HERC3: variants seen among roughly 807,000 people sequenced by gnomAD.
The protein encoded by HERC3 is probable E3 ubiquitin-protein ligase HERC3.
In HERC3, 58 loss-of-function variants were observed where a neutral mutation model predicts 129.9. The ratio of observed to expected loss-of-function variants is 0.45; its 90% CI spans 0.36 to 0.56. The LOEUF (loss-of-function observed/expected upper bound fraction) is 0.56. HERC3 is among the 20% of genes least tolerant of loss of function. The probability of loss-of-function intolerance (pLI) is 0.00; values close to 1 mark genes in which losing one functional copy is unlikely to be tolerated. For synonymous variants in HERC3, 430 were observed against 451.0 expected, an observed-to-expected ratio of 0.95 and a Z score of 0.59; for missense variants, 835 against 1,244.2, an observed-to-expected ratio of 0.67 and a Z score of 4.95.
intron 16 of HERC3, among the ~76,000 whole-genome samples, chr4:88,671,775 C>T (rs1258163467): frequency 1.3e-5 from 2 of 152,100 alleles, no homozygotes; most frequent in Non-Finnish European, 2.9e-5. Context: ...TCACCAGCCT[C>T]GGCCTCCCAA....
the HERC3 span, among the ~76,000 whole-genome samples, chr4:88,572,820 AAT>A: frequency 2.8e-5 from 3 of 106,460 alleles, no homozygotes; most frequent in African/African-American, 1.8e-4. Context: ...AAAAAAAAAT[AAT>A]AATAATAATA....
At chr4:88,570,910 C>A in the HERC3 span, among the ~76,000 whole-genome samples, 1 of 151,516 alleles carries the variant, frequency 6.6e-6, no homozygotes, top group South Asian at 2.1e-4. Context: ...CCCACCACCA[C>A]CCCCAGCTAA....
chr4:88,587,256 T>C, the HERC3 span, among the ~76,000 whole-genome samples: 1 of 152,216 alleles, frequency 6.6e-6, no homozygotes, highest in Admixed American at 6.5e-5. Context: ...ATTTTACACA[T>C]TGAACTCCCT....
chr4:88,535,163 T>C, the HERC3 span, among the ~76,000 whole-genome samples: 2 of 152,170 alleles, frequency 1.3e-5, no homozygotes, highest in Admixed American at 6.5e-5. Context: ...CAATTCCAAG[T>C]TTTTGAAAGT....
the HERC3 span, chr4:88,528,134 C>G: frequency 1.3e-5 from 3 of 235,708 alleles, no homozygotes; most frequent in African/African-American, 6.9e-5. Context: ...CCCCAAACAG[C>G]CAGATTGATA....
At chr4:88,588,618 T>C (rs551809187), upstream of HERC3, among the ~76,000 whole-genome samples, 7 of 152,358 alleles carry the variant, frequency 4.6e-5, no homozygotes, top group South Asian at 1.0e-3. Context: ...CCTGTTTTTT[T>C]CCACAGATTT....
the HERC3 span, among the ~76,000 whole-genome samples, chr4:88,555,144 C>T: frequency 1.3e-5 from 2 of 151,618 alleles, no homozygotes; most frequent in South Asian, 2.1e-4. Flanking sequence ...ATTAGGTGGG[C>T]GTGGTGGTGG....
chr4:88,634,168 G>A (rs556767388), intron 3 of HERC3, among the ~76,000 whole-genome samples: 1 of 152,176 alleles, frequency 6.6e-6, no homozygotes, highest in South Asian at 2.1e-4. Context: ...GGTGGTTAGT[G>A]AGTGTGCTAC....
At chr4:88,664,049 A>T in intron 11 of HERC3, 104 bp from the exon 12 acceptor site, 1 of 874,254 alleles carries the variant, frequency 1.1e-6, no homozygotes. Context: ...AAGAGCTGCT[A>T]TTAATGAAAT....
At chr4:88,673,221 G>A (rs758733450) in intron 16 of HERC3, among the ~76,000 whole-genome samples, 14 of 152,156 alleles carry the variant, frequency 9.2e-5, no homozygotes, top group African/African-American at 1.9e-4. Context: ...TAAAGGAGAC[G>A]CAGCCAGGCA....
chr4:88,663,657 T>G (rs1380847840), intron 11 of HERC3, among the ~76,000 whole-genome samples: 4 of 152,226 alleles, frequency 2.6e-5, no homozygotes, highest in African/African-American at 9.6e-5. Flanking sequence ...AGCTGTTTCC[T>G]CAGAGCCTGT....
chr4:88,678,190 GTTGA>G, intron 19 of HERC3, 56 bp downstream of exon 19: 5 of 1,491,946 alleles, frequency 3.4e-6, no homozygotes, highest in Non-Finnish European at 4.6e-6. Context: ...TTTGAACAGT[GTTGA>G]TTAAGCAGCA....
chr4:88,674,661 A>G (rs1039564043), intron 16 of HERC3, among the ~76,000 whole-genome samples: 1 of 152,106 alleles, frequency 6.6e-6, no homozygotes, highest in African/African-American at 2.4e-5. Context: ...TTAGCTTTGT[A>G]TAGTGCTGTT....
the HERC3 span, among the ~76,000 whole-genome samples, chr4:88,579,720 C>T: frequency 6.6e-6 from 1 of 152,012 alleles, no homozygotes; most frequent in African/African-American, 2.4e-5. Context: ...GTCCTAATCC[C>T]CAGAACCTGT....
rs1213350912 is a variant in HERC3, at chr4:88,652,858, TG to T, written c.464-10del. The T allele has an allele frequency of 1.2e-6, 2 of 1,601,026 alleles. No individual in the cohort carries two copies. Among genetic ancestry groups the T allele is most frequent in the Non-Finnish European group, 8.5e-7 (1 of 1,170,840 alleles). Reference sequence around the variant, plus strand: ...CATTTTATGGTAATACCAGTTATCCTGTTATTTCAGATGGCCAGTTCTTCAC... The same window carrying T: ...CATTTTATGGTAATACCAGTTATCCTTTATTTCAGATGGCCAGTTCTTCAC... On this transcript the variant is annotated splice_polypyrimidine_tract_variant and intron_variant, in intron 5 of 25. Coordinates refer to ENST00000402738, the MANE Select transcript of HERC3 (RefSeq NM_014606.3).
Position 88,606,011 on chromosome 4 carries a change from A to G in HERC3, c.188A>G (p.Lys63Arg). 6.2e-7 allele frequency: 1 copy of G among 1,614,128 alleles called. No homozygotes were observed. The highest frequency in any genetic ancestry group is 8.5e-7 in the Non-Finnish European group (1 of 1,179,988). ...GTTTACACATGTGGTTTGAACACCAAGGGGCAACTGGGCCATGAGAGGGAA... is the reference window on the plus strand; with the variant it reads ...GTTTACACATGTGGTTTGAACACCAGGGGGCAACTGGGCCATGAGAGGGAA... ...GEVYTCGLNT[K>R]GQLGHEREGN... The change falls in exon 3 of 26, where the codon AAG becomes AGG. Residue 63 changes from lysine to arginine, a missense_variant. Transcript: ENST00000402738.
upstream of HERC3, among the ~76,000 whole-genome samples, chr4:88,591,856 A>AC (rs1448070366): frequency 6.6e-6 from 1 of 151,730 alleles, no homozygotes; most frequent in Non-Finnish European, 1.5e-5. Flanking sequence ...CCCCGGGTCC[A>AC]CCCTCCAGCC....
intron 2 of HERC3, chr4:88,598,103 C>T (rs146468605): frequency 1.3e-5 from 2 of 152,242 alleles, no homozygotes; most frequent in African/African-American, 4.8e-5. Context: ...TGCTTCTAAG[C>T]TTACTTGAAA....
At position 88,680,202 on chromosome 4, in the gene HERC3, A is replaced by G. The variant is rs761433139; in HGVS notation, c.2306A>G (p.Tyr769Cys). Residue 769 changes from tyrosine (Y) to cysteine (C), a missense_variant, in exon 20 of 26, where the codon TAT (tyrosine) becomes TGT (cysteine). Tyr to Cys is a radical substitution (Grantham distance 194, BLOSUM62 -2). Coordinates refer to ENST00000402738, the MANE Select transcript of HERC3 (RefSeq NM_014606.3). Reference sequence around the variant, plus strand: ...CCCATCTATGGAATGTTTACCTACTATCAAGATTCAAATCTCTTGTGGTTT... The same window carrying G: ...CCCATCTATGGAATGTTTACCTACTGTCAAGATTCAAATCTCTTGTGGTTT... ...LNPIYGMFTY[Y>C]QDSNLLWFSD... 34 of 1,610,322 alleles carry G rather than the reference A, an allele frequency of 2.1e-5. No homozygotes were observed. Among genetic ancestry groups the G allele is most frequent in the Non-Finnish European group, 2.7e-5 (32 of 1,178,624 alleles).
Sources: gnomAD v4.1 joint callset for allele counts (sites outside exome capture counted in the v4.1 genomes callset) on GRCh38, gnomAD v4.1.1 for gene constraint, MANE v1.5 for transcripts, NCBI Gene and HGNC (gene_info 2026-07-23, HGNC 2026-07-21) for gene names.